The following TUSC3 variants were observed in gnomAD, a reference collection of about 807,000 sequenced individuals.
TUSC3 encodes tumor suppressor candidate 3.
TUSC3 carries 45 observed loss-of-function variants against 44.8 expected under a neutral mutation model. The observed-to-expected ratio is 1.00, with a 90% CI of 0.79 to 1.29. The LOEUF (loss-of-function observed/expected upper bound fraction) is 1.29. TUSC3 is among the 50% of genes most tolerant of loss of function. The pLI is 0.00. For missense variants in TUSC3, 519 were observed against 437.9 expected (o/e 1.19, Z -1.65); for synonymous variants, 212 against 152.9 (o/e 1.39, Z -2.85).
At chr8:15,620,767 G>T (rs1449607949) in intron 1 of TUSC3, among the ~76,000 whole-genome samples, 1 of 152,114 alleles carries the variant, frequency 6.6e-6, no homozygotes, top group East Asian at 1.9e-4. Context: ...GGGAAGCATG[G>T]GAAATAGGAG....
At chr8:15,769,086 T>C (rs1351016886), downstream of TUSC3, among the ~76,000 whole-genome samples, 1 of 151,950 alleles carries the variant, frequency 6.6e-6, no homozygotes, top group African/African-American at 2.4e-5. Context: ...TTAAATTTCA[T>C]GTGGAACCAA....
intron 1 of TUSC3, among the ~76,000 whole-genome samples, chr8:15,449,934 G>A (rs1008277044): frequency 3.9e-4 from 59 of 152,114 alleles, no homozygotes; most frequent in African/African-American, 1.3e-3. Flanking sequence ...TAGTCATGCT[G>A]TACAGCTTTG....
At chr8:15,562,498 A>G (rs1016673444) in intron 1 of TUSC3, among the ~76,000 whole-genome samples, 1 of 152,092 alleles carries the variant, frequency 6.6e-6, no homozygotes, top group Non-Finnish European at 1.5e-5. Context: ...AATAACACCC[A>G]TTTCTTATCT....
chr8:15,540,221 G>T (rs545204193), upstream of TUSC3: 3 of 653,970 alleles, frequency 4.6e-6, no homozygotes, highest in African/African-American at 3.8e-5. Context: ...CCCCCATCCC[G>T]CGCCTTTCCA....
At chr8:15,504,605 ATATATATATATATATATTT>A (rs1453565879) in intron 2 of TUSC3, among the ~76,000 whole-genome samples, 433 of 31,100 alleles carry the variant, frequency 0.014, 5 homozygotes, top group African/African-American at 0.05. Context: ...ATATATATAT[ATATATATATATATATATTT>A]TTTTTTTTTT....
chr8:15,426,134 T>A (rs1361175544), intron 1 of TUSC3, among the ~76,000 whole-genome samples: 3 of 152,228 alleles, frequency 2.0e-5, no homozygotes, highest in African/African-American at 7.2e-5. Context: ...AAGTGTACAT[T>A]TGATGAGTTT....
At chr8:15,750,145 A>G (rs1425689472) in intron 9 of TUSC3, among the ~76,000 whole-genome samples, 1 of 151,388 alleles carries the variant, frequency 6.6e-6, no homozygotes, top group Admixed American at 6.6e-5. Flanking sequence ...ATGCCTGGCT[A>G]ATTTTTTGTA....
chr8:15,622,456 C>G (rs1805292685), intron 1 of TUSC3, among the ~76,000 whole-genome samples: 1 of 152,024 alleles, frequency 6.6e-6, no homozygotes, highest in South Asian at 2.1e-4. Context: ...TATACAGAAG[C>G]TACAGTGCTG....
At chr8:15,727,452 C>G (rs997084170) in intron 6 of TUSC3, among the ~76,000 whole-genome samples, 1 of 152,076 alleles carries the variant, frequency 6.6e-6, no homozygotes, top group Non-Finnish European at 1.5e-5. Context: ...CCTATAACTG[C>G]TGGATTTCTG....
intron 2 of TUSC3, among the ~76,000 whole-genome samples, chr8:15,523,927 G>A (rs1376085457): frequency 2.0e-5 from 3 of 150,920 alleles, no homozygotes; most frequent in Non-Finnish European, 2.9e-5. Context: ...GTGGTGGCGC[G>A]CACCTGTAGT....
chr8:15,618,311 C>G (rs1469184003), intron 1 of TUSC3, among the ~76,000 whole-genome samples: 7 of 152,056 alleles, frequency 4.6e-5, no homozygotes, highest in Admixed American at 3.9e-4. Context: ...TTTTTTTTAA[C>G]TTTTTGACTC....
chr8:15,686,639 A>G (rs1025932564), intron 6 of TUSC3, among the ~76,000 whole-genome samples: 1 of 152,130 alleles, frequency 6.6e-6, no homozygotes, highest in African/African-American at 2.4e-5. Context: ...CTTAAAAATC[A>G]TATAGACTGA....
chr8:15,478,065 C>T (rs1237972918), intron 1 of TUSC3, among the ~76,000 whole-genome samples: 1 of 152,104 alleles, frequency 6.6e-6, no homozygotes, highest in Non-Finnish European at 1.5e-5. Flanking sequence ...TCAAGCGATT[C>T]TCCTGCCTCA....
At chr8:15,574,909 C>G (rs534913620) in intron 1 of TUSC3, among the ~76,000 whole-genome samples, 2 of 152,224 alleles carry the variant, frequency 1.3e-5, no homozygotes, top group South Asian at 4.2e-4. Flanking sequence ...TAAGGAGTGT[C>G]TCCTGCTGTG....
At chr8:15,498,599 G>A (rs1450817988) in intron 2 of TUSC3, among the ~76,000 whole-genome samples, 1 of 152,196 alleles carries the variant, frequency 6.6e-6, no homozygotes, top group African/African-American at 2.4e-5. Context: ...AAGTGCAGAT[G>A]TGAATTAGGT....
chr8:15,659,974 A>G (rs372898158), intron 4 of TUSC3, among the ~76,000 whole-genome samples: 2 of 152,058 alleles, frequency 1.3e-5, no homozygotes, highest in Admixed American at 6.6e-5. Flanking sequence ...ATAATTTTTA[A>G]TCTATCTTTT....
intron 6 of TUSC3, among the ~76,000 whole-genome samples, chr8:15,690,402 C>A (rs566771024): frequency 2.0e-5 from 3 of 151,786 alleles, no homozygotes; most frequent in African/African-American, 4.8e-5. Flanking sequence ...GAATATTAGA[C>A]CTTTGTCAAA....
At chr8:15,521,499 C>A (rs1801295969) in intron 2 of TUSC3, among the ~76,000 whole-genome samples, 1 of 152,166 alleles carries the variant, frequency 6.6e-6, no homozygotes. Context: ...CTATTGGAGA[C>A]TGGCACATGA....
the TUSC3 span, among the ~76,000 whole-genome samples, chr8:15,798,109 G>T: frequency 1.3e-5 from 2 of 152,190 alleles, no homozygotes; most frequent in African/African-American, 4.8e-5. Context: ...TCTACATGTG[G>T]CTCTTCTCAG....
Sources: gnomAD v4.1 joint callset for allele counts (sites outside exome capture counted in the v4.1 genomes callset) on GRCh38, gnomAD v4.1.1 for gene constraint, MANE v1.5 for transcripts, NCBI Gene and HGNC (gene_info 2026-07-23, HGNC 2026-07-21) for gene names.